Variants in SAMD5 observed in about 807,000 individuals in gnomAD.
SAMD5 encodes sterile alpha motif domain-containing protein 5.
In SAMD5, 13 loss-of-function variants were observed where a neutral mutation model predicts 11.3. The ratio of observed to expected loss-of-function variants is 1.15; its 90% CI spans 0.75 to 1.83. The LOEUF is 1.83. Among genes scored for constraint, SAMD5 ranks in the 40% most tolerant of loss-of-function variants. The probability of loss-of-function intolerance (pLI) is 0.00; values close to 1 mark genes in which losing one functional copy is unlikely to be tolerated. For synonymous variants in SAMD5, 129 were observed against 111.3 expected (o/e 1.16, Z -1.00); for missense variants, 255 against 239.1 (o/e 1.07, Z -0.44).
rs993678704 is a variant in SAMD5 at position 147,509,015 on chromosome 6, C to A, written c.87C>A (p.Asp29Glu). 1 of 1,607,860 alleles carries A rather than the reference C, an allele frequency of 6.2e-7. No individual in the cohort carries two copies. Among genetic ancestry groups the A allele is most frequent in the Admixed American group, 1.7e-5 (1 of 58,906 alleles). Residue 29 changes from aspartate to glutamate, a missense_variant, in exon 1 of 2, where the codon GAC (aspartate) becomes GAA (glutamate). Asp to Glu is a conservative substitution (Grantham distance 45, BLOSUM62 2). Coordinates refer to ENST00000367474, the MANE Select transcript of SAMD5 (RefSeq NM_001030060.3). ...CCTTCGTGGATAACGGCTACGATGA[C>A]CTGGAGGTGTGCAAGCAGATCGGGG... The part of the protein sequence containing the change: ...AESFVDNGYD[D>E]LEVCKQIGDP...
the SAMD5 span, among the ~76,000 whole-genome samples, chr6:147,831,915 A>G: frequency 2.6e-5 from 4 of 152,198 alleles, no homozygotes; most frequent in Admixed American, 2.6e-4. Flanking sequence ...ATTTCAAAGA[A>G]CTATGATTTT....
At chr6:147,690,504 C>G (rs1562352516) in intron 1 of SAMD5, among the ~76,000 whole-genome samples, 1 of 152,010 alleles carries the variant, frequency 6.6e-6, no homozygotes, top group East Asian at 1.9e-4. Context: ...CAAAAATTAG[C>G]CGGGCGTGGT....
rs201030758 is a variant in SAMD5 at position 147,633,693 on chromosome 6, C to CTT, written c.163-103609_163-103608dup. Reference sequence around the variant, plus strand: ...TATACTTTTAAAATTTCAGATAATGCTTTTTTTTTTTTTTTTACAGCCATG... The same window carrying CTT: ...TATACTTTTAAAATTTCAGATAATGCTTTTTTTTTTTTTTTTTTACAGCCATG... On this transcript the variant is annotated intron_variant, in intron 1 of 1. Coordinates refer to the SAMD5 transcript ENST00000566741. Among the ~76,000 whole-genome samples, 797 of 139,416 alleles carry CTT rather than the reference C, an allele frequency of 5.7e-3. 1 individual carries two copies. Among genetic ancestry groups the CTT allele is most frequent in the Middle Eastern group, 0.019 (5 of 260 alleles). 91.5% of individuals were successfully genotyped at this position (139,416 alleles called of 152,430 possible).
At chr6:147,649,390 T>G (rs988389125) in intron 1 of SAMD5, among the ~76,000 whole-genome samples, 1 of 152,176 alleles carries the variant, frequency 6.6e-6, no homozygotes, top group African/African-American at 2.4e-5. Flanking sequence ...AACCAAATAT[T>G]CTAGAAAATT....
At chr6:147,872,773 C>G in the SAMD5 span, among the ~76,000 whole-genome samples, 10 of 152,116 alleles carry the variant, frequency 6.6e-5, no homozygotes, top group Non-Finnish European at 4.4e-5. Flanking sequence ...TGTGTTCAGG[C>G]CACACTAATG....
chr6:147,765,927 G>A, the SAMD5 span, among the ~76,000 whole-genome samples: 1 of 152,184 alleles, frequency 6.6e-6, no homozygotes, highest in African/African-American at 2.4e-5. Flanking sequence ...TTTTAAGAAA[G>A]CCTCAGATTG....
chr6:147,512,515 C>T (rs967726785), intron 1 of SAMD5, among the ~76,000 whole-genome samples: 7 of 152,044 alleles, frequency 4.6e-5, no homozygotes, highest in South Asian at 2.1e-4. Context: ...CAAAGTTATG[C>T]GGTTTAGGGA....
chr6:147,868,710 T>G, the SAMD5 span, among the ~76,000 whole-genome samples: 1 of 152,236 alleles, frequency 6.6e-6, no homozygotes, highest in Non-Finnish European at 1.5e-5. Context: ...GAAATTTTCA[T>G]GGTTTTAAAA....
chr6:147,593,913 A>G (rs1305566359), intron 1 of SAMD5, among the ~76,000 whole-genome samples: 1 of 152,140 alleles, frequency 6.6e-6, no homozygotes, highest in African/African-American at 2.4e-5. Context: ...AGATCACCTG[A>G]GGTCAGGAGT....
the SAMD5 span, among the ~76,000 whole-genome samples, chr6:147,851,367 C>T: frequency 6.6e-6 from 1 of 152,120 alleles, no homozygotes; most frequent in African/African-American, 2.4e-5. Flanking sequence ...TGGTACTGTC[C>T]TCAGTTTCAG....
the SAMD5 span, among the ~76,000 whole-genome samples, chr6:147,899,383 C>T: frequency 6.6e-6 from 1 of 152,018 alleles, no homozygotes; most frequent in East Asian, 1.9e-4. Context: ...AACTGCATGT[C>T]CTGGAAACAG....
At chr6:147,614,429 G>A (rs9377068) in intron 1 of SAMD5, among the ~76,000 whole-genome samples, 21,932 of 150,614 alleles carry the variant, frequency 0.15, 3,177 homozygotes, top group African/African-American at 0.36. Flanking sequence ...AGATTGTGCC[G>A]TTGCACTCCA....
chr6:147,934,012 C>T, the SAMD5 span, among the ~76,000 whole-genome samples: 1 of 152,164 alleles, frequency 6.6e-6, no homozygotes, highest in African/African-American at 2.4e-5. Context: ...CTAATATAAG[C>T]CTCTAATTTA....
chr6:147,639,793 G>C (rs1790282904), intron 1 of SAMD5, among the ~76,000 whole-genome samples: 1 of 152,086 alleles, frequency 6.6e-6, no homozygotes, highest in South Asian at 2.1e-4. Context: ...CATCCATTCT[G>C]TTTTGGTTGG....
intron 1 of SAMD5, among the ~76,000 whole-genome samples, chr6:147,601,535 T>G (rs939668232): frequency 6.6e-6 from 1 of 152,162 alleles, no homozygotes; most frequent in Non-Finnish European, 1.5e-5. Flanking sequence ...AGTAGGAACT[T>G]TGGTATGTCC....
intron 1 of SAMD5, among the ~76,000 whole-genome samples, chr6:147,662,092 C>T (rs1790657153): frequency 2.0e-5 from 3 of 152,234 alleles, no homozygotes; most frequent in Non-Finnish European, 4.4e-5. Flanking sequence ...CGATGACCCA[C>T]ATGCTATTTG....
intron 1 of SAMD5, among the ~76,000 whole-genome samples, chr6:147,729,452 T>C (rs1791677431): frequency 6.6e-6 from 1 of 152,214 alleles, no homozygotes; most frequent in Non-Finnish European, 1.5e-5. Flanking sequence ...GCCCACTGTA[T>C]GCCAGGAATT....
chr6:147,774,387 G>T, the SAMD5 span, among the ~76,000 whole-genome samples: 1 of 152,140 alleles, frequency 6.6e-6, no homozygotes, highest in Non-Finnish European at 1.5e-5. Flanking sequence ...ATCCATAGGG[G>T]ATTGGTTCCA....
the SAMD5 span, among the ~76,000 whole-genome samples, chr6:147,788,246 G>A: frequency 1.3e-5 from 2 of 152,256 alleles, no homozygotes; most frequent in South Asian, 4.1e-4. Context: ...TATACATATT[G>A]CACGTATAAT....
Sources: allele counts gnomAD v4.1 joint callset (sites outside exome capture counted in the v4.1 genomes callset), GRCh38; gene constraint gnomAD v4.1.1; transcripts MANE v1.5; gene names NCBI Gene and HGNC (gene_info 2026-07-23, HGNC 2026-07-21).